TNS1: variants seen among roughly 807,000 people sequenced by gnomAD.
TNS1 encodes tensin 1, also known as tensin-1.
TNS1 carries 62 observed loss-of-function variants against 168.6 expected under a neutral mutation model. The observed-to-expected ratio is 0.37, with a 90% CI of 0.30 to 0.45. TNS1 has a LOEUF of 0.45. Ranked by LOEUF, TNS1 falls within the 20% of genes least tolerant of loss-of-function variation. The pLI is 1.00. For synonymous variants in TNS1, 934 were observed against 933.2 expected, an observed-to-expected ratio of 1.00 and a Z score of -0.02; for missense variants, 2,240 against 2,339.4, an observed-to-expected ratio of 0.96 and a Z score of 0.88.
At chr2:217,933,403 C>T (rs1049584799) in intron 3 of TNS1, among the ~76,000 whole-genome samples, 3 of 152,190 alleles carry the variant, frequency 2.0e-5, no homozygotes, top group African/African-American at 7.2e-5. Context: ...GCACACACAG[C>T]GCACATGCCT....
At chr2:217,856,097 C>T (rs1054883520) in intron 18 of TNS1, among the ~76,000 whole-genome samples, 3 of 152,144 alleles carry the variant, frequency 2.0e-5, no homozygotes, top group Non-Finnish European at 2.9e-5. Context: ...ACATATGCAT[C>T]GAAAAGTTAG....
chr2:217,945,541 G>A (rs192608735), intron 3 of TNS1, among the ~76,000 whole-genome samples: 32 of 152,260 alleles, frequency 2.1e-4, no homozygotes, highest in Admixed American at 1.0e-3. Context: ...GCAAGATTTC[G>A]TCCTCTCCTA....
intron 12 of TNS1, among the ~76,000 whole-genome samples, chr2:217,889,316 G>C (rs374582408): frequency 1.4e-3 from 206 of 152,316 alleles, no homozygotes; most frequent in South Asian, 7.9e-3. Context: ...CCCCCAGCTG[G>C]GACAGCACAG....
intron 3 of TNS1, among the ~76,000 whole-genome samples, chr2:217,927,243 C>T (rs1479737661): frequency 6.6e-6 from 1 of 152,168 alleles, no homozygotes; most frequent in Non-Finnish European, 1.5e-5. Context: ...GGTGGGAATG[C>T]TTGGCGTGTT....
At chr2:218,013,155 C>T (rs1311586989), upstream of TNS1, among the ~76,000 whole-genome samples, 1 of 151,694 alleles carries the variant, frequency 6.6e-6, no homozygotes, top group Admixed American at 6.6e-5. Flanking sequence ...ACCTGGGAGA[C>T]TGAGGCAGGA....
Position 217,885,130 on chromosome 2 carries a change from G to T in TNS1, c.1151C>A (p.Ala384Asp). 1.2e-6 allele frequency: 2 copies of T among 1,614,236 alleles called. No homozygotes were observed. Among genetic ancestry groups the T allele is most frequent in the South Asian group, 2.2e-5 (2 of 91,086 alleles). ...CTGCACACGGAAGATGACGTCTCGG[G>T]CTGGGCTTCGGAACTTCTTGTGGTA... ...KCYHKKFRSP[A>D]RDVIFRVQFH... Residue 384 changes from alanine (A) to aspartate (D), a missense_variant, in exon 16 of 33, where the codon GCC becomes GAC. Physicochemically the swap from Ala to Asp is moderately radical, Grantham distance 126. This residue lies in a region of TNS1 where 2,131 missense variants were observed against 2,171.2 expected (regional missense o/e 0.98). Transcript: ENST00000682258.
At chr2:218,000,446 A>C (rs1032761614) in intron 1 of TNS1, among the ~76,000 whole-genome samples, 2 of 152,228 alleles carry the variant, frequency 1.3e-5, no homozygotes, top group Non-Finnish European at 2.9e-5. Flanking sequence ...CTCCCCCAGC[A>C]TCAGGTCTGG....
chr2:217,936,812 G>A (rs1956632562), intron 3 of TNS1, among the ~76,000 whole-genome samples: 1 of 152,090 alleles, frequency 6.6e-6, no homozygotes, highest in Non-Finnish European at 1.5e-5. Context: ...TTTGCTCCAT[G>A]CCAGGCACTG....
chr2:217,994,774 G>A (rs906132402), intron 1 of TNS1, among the ~76,000 whole-genome samples: 12 of 152,232 alleles, frequency 7.9e-5, no homozygotes, highest in Non-Finnish European at 1.0e-4. Flanking sequence ...CAGGGACAGG[G>A]CTTCAGGTCC....
Position 217,976,628 on chromosome 2 carries a change from G to A in TNS1, c.186+2137C>T, listed in dbSNP as rs115665873. ...GGTGCATTCTGAGCCCCCAGCACAC[G>A]TGAGAGACTCCTCAGGTAGGCTATG... is the stretch of plus-strand genomic sequence containing the variant. On this transcript the variant is annotated intron_variant, in intron 3 of 32. Coordinates refer to ENST00000682258, the MANE Select transcript of TNS1 (RefSeq NM_001387777.1). Among the ~76,000 whole-genome samples the A allele has an allele frequency of 6.3e-3, 965 of 152,312 alleles. 14 individuals are homozygous for A. The highest frequency in any genetic ancestry group is 0.022 in the African/African-American group (901 of 41,562).
At chr2:217,969,873 C>T (rs528666151) in intron 3 of TNS1, among the ~76,000 whole-genome samples, 2 of 152,188 alleles carry the variant, frequency 1.3e-5, no homozygotes, top group Non-Finnish European at 2.9e-5. Context: ...TGAATTATGT[C>T]CCTCACAAAA....
intron 3 of TNS1, among the ~76,000 whole-genome samples, chr2:217,955,307 G>A (rs1957334253): frequency 6.6e-6 from 1 of 152,230 alleles, no homozygotes; most frequent in Admixed American, 6.5e-5. Flanking sequence ...CTTCTAGCCA[G>A]CTTCCCCCTC....
At chr2:217,855,147 C>T (rs142966944) in intron 18 of TNS1, among the ~76,000 whole-genome samples, 142 of 152,322 alleles carry the variant, frequency 9.3e-4, no homozygotes, top group Non-Finnish European at 1.2e-3. Flanking sequence ...CCAACCCCCA[C>T]GCTGGAAATG....
chr2:217,871,790 C>T (rs563517181), intron 18 of TNS1, among the ~76,000 whole-genome samples: 9 of 152,370 alleles, frequency 5.9e-5, no homozygotes, highest in South Asian at 2.1e-4. Flanking sequence ...TACACAGGCC[C>T]GGGGCTGGCT....
chr2:217,834,987 C>A, intron 21 of TNS1, 104 bp downstream of exon 21: 3 of 971,046 alleles, frequency 3.1e-6, no homozygotes, highest in South Asian at 3.7e-5. Context: ...CCACCTGGGG[C>A]ACTGTCACCC....
At chr2:217,981,327 C>T (rs1958042556) in intron 2 of TNS1, among the ~76,000 whole-genome samples, 1 of 152,240 alleles carries the variant, frequency 6.6e-6, no homozygotes, top group South Asian at 2.1e-4. Context: ...GGTGGGCTGA[C>T]TCCTGTGCTC....
intron 18 of TNS1, among the ~76,000 whole-genome samples, chr2:217,869,038 G>A (rs983779924): frequency 6.6e-6 from 1 of 152,224 alleles, no homozygotes; most frequent in Non-Finnish European, 1.5e-5. Flanking sequence ...GGAAGTAGAG[G>A]GAGGGTTATC....
At chr2:217,872,052 T>C (rs2125597596) in intron 18 of TNS1, among the ~76,000 whole-genome samples, 1 of 152,386 alleles carries the variant, frequency 6.6e-6, no homozygotes, top group South Asian at 2.1e-4. Flanking sequence ...TCCAGAAGAC[T>C]TCGTTGGACG....
chr2:217,961,690 GGACCC>G (rs1957500694), intron 3 of TNS1, among the ~76,000 whole-genome samples: 1 of 152,096 alleles, frequency 6.6e-6, no homozygotes, highest in Admixed American at 6.6e-5. Flanking sequence ...CAGCCCGGTG[GGACCC>G]CCCCATTCTT....
Sources: allele counts gnomAD v4.1 joint callset (sites outside exome capture counted in the v4.1 genomes callset), GRCh38; gene constraint gnomAD v4.1.1; regional missense constraint gnomAD v4.1.1; transcripts MANE v1.5; gene names NCBI Gene and HGNC (gene_info 2026-07-23, HGNC 2026-07-21).